The following CNTNAP2 variants were observed in gnomAD, a reference collection of about 807,000 sequenced individuals.
The protein encoded by CNTNAP2 is contactin-associated protein-like 2.
Under a neutral mutation model 155.2 loss-of-function variants are expected in CNTNAP2, and 98 were observed. The ratio of observed to expected loss-of-function variants is 0.63; its 90% CI spans 0.54 to 0.75. The LOEUF (loss-of-function observed/expected upper bound fraction) is 0.75. Among genes scored for constraint, CNTNAP2 ranks in the 30% least tolerant of loss-of-function variants. The pLI is 0.00. For missense variants in CNTNAP2, 1,727 were observed against 1,688.1 expected (o/e 1.02, Z -0.40); for synonymous variants, 651 against 631.2 (o/e 1.03, Z -0.47).
At chr7:147,301,201 C>T (rs2620440) in intron 9 of CNTNAP2, among the ~76,000 whole-genome samples, 46,548 of 151,862 alleles carry the variant, frequency 0.31, 9,029 homozygotes, top group East Asian at 0.7. Context: ...TCTTAAGTAA[C>T]GAAAAGATTA....
At chr7:148,184,020 A>T (rs2116707605) in intron 18 of CNTNAP2, among the ~76,000 whole-genome samples, 1 of 152,282 alleles carries the variant, frequency 6.6e-6, no homozygotes, top group Middle Eastern at 3.4e-3. Flanking sequence ...GTCTCCTTGC[A>T]GTTTTTTCCC....
chr7:146,843,949 T>A (rs1281021615), intron 3 of CNTNAP2, among the ~76,000 whole-genome samples: 1 of 152,120 alleles, frequency 6.6e-6, no homozygotes, highest in Admixed American at 6.5e-5. Context: ...TAATGATTGT[T>A]TACCTGAGAA....
chr7:147,594,302 T>C (rs1037537436), intron 12 of CNTNAP2, among the ~76,000 whole-genome samples: 1 of 152,026 alleles, frequency 6.6e-6, no homozygotes, highest in African/African-American at 2.4e-5. Flanking sequence ...CCCTCTGGTA[T>C]CTTGGGTTTG....
chr7:147,605,330 A>C (rs753728961), intron 12 of CNTNAP2, among the ~76,000 whole-genome samples: 1 of 152,160 alleles, frequency 6.6e-6, no homozygotes, highest in Admixed American at 6.5e-5. Context: ...CTGCAAATGC[A>C]TGGAGTCCCA....
At chr7:147,158,060 A>G (rs1030723667) in intron 8 of CNTNAP2, among the ~76,000 whole-genome samples, 1 of 152,132 alleles carries the variant, frequency 6.6e-6, no homozygotes, top group African/African-American at 2.4e-5. Context: ...ACAATTTAAT[A>G]AGGTGAAGTT....
intron 1 of CNTNAP2, among the ~76,000 whole-genome samples, chr7:146,545,106 A>G (rs35090909): frequency 0.38 from 57,552 of 151,662 alleles, 12,414 homozygotes; most frequent in Non-Finnish European, 0.48. Context: ...GGTAGGAGGG[A>G]GTATGGAAAG....
rs75539855 is a variant in CNTNAP2 at position 147,806,295 on chromosome 7, A to C, written c.2099-97270A>C. On this transcript the variant is annotated intron_variant, in intron 13 of 23. Coordinates refer to ENST00000361727, the MANE Select transcript of CNTNAP2 (RefSeq NM_014141.6). ...CAAATAAAAAACCATAATAAGTATC[A>C]TCTCACCCAAGTTAAAATGGCTTTT... Among the ~76,000 whole-genome samples, 1,685 of 152,304 alleles carry C rather than the reference A, an allele frequency of 0.011. 55 individuals are homozygous for C. The East Asian group carries it at 0.11, about 10-fold the overall frequency.
rs1245226869 is a variant in CNTNAP2, at chr7:146,604,735, T to C, written c.98-169536T>C. 4.9e-3 allele frequency among the ~76,000 whole-genome samples: 673 copies of C among 138,744 alleles called. 6 individuals are homozygous for C. The highest frequency in any genetic ancestry group is 0.016 in the African/African-American group (616 of 38,492). 91.0% of individuals were successfully genotyped at this position (138,744 alleles called of 152,430 possible). ...GTGGCACATATACACCATGGAATAC[T>C]ATGCAGCCATAAAAAATGATGAGTT... On this transcript the variant is annotated intron_variant, in intron 1 of 23. Transcript: ENST00000361727.
rs192764344 is a variant in CNTNAP2 at position 146,578,293 on chromosome 7, A to G, written c.98-195978A>G. 4.8e-3 allele frequency among the ~76,000 whole-genome samples: 723 copies of G among 152,206 alleles called. 5 individuals carry two copies. Among genetic ancestry groups the G allele is most frequent in the African/African-American group, 0.016 (672 of 41,554 alleles). On this transcript the variant is annotated intron_variant, in intron 1 of 23. Transcript: ENST00000361727. ...GTAAATCTGTACTTCTCCAAGTGTT[A>G]ATTAGTGAGTCTGTATTCAATTTTG...
At chr7:146,154,166 A>G (rs1798091543) in intron 1 of CNTNAP2, among the ~76,000 whole-genome samples, 1 of 152,098 alleles carries the variant, frequency 6.6e-6, no homozygotes, top group Non-Finnish European at 1.5e-5. Flanking sequence ...TTTACAATGG[A>G]TGGTTTGGAA....
intron 2 of CNTNAP2, among the ~76,000 whole-genome samples, chr7:146,787,645 TCC>T (rs1802598144): frequency 6.6e-6 from 1 of 152,084 alleles, no homozygotes; most frequent in African/African-American, 2.4e-5. Flanking sequence ...GAACAAACCT[TCC>T]CCCGCGCATG....
intron 3 of CNTNAP2, among the ~76,000 whole-genome samples, chr7:146,886,142 A>G (rs1795654028): frequency 6.6e-6 from 1 of 152,034 alleles, no homozygotes; most frequent in Admixed American, 6.6e-5. Context: ...TGATTTTAAA[A>G]GAGCATCTGA....
At chr7:146,615,002 C>G (rs1469881039) in intron 1 of CNTNAP2, among the ~76,000 whole-genome samples, 1 of 151,950 alleles carries the variant, frequency 6.6e-6, no homozygotes, top group Non-Finnish European at 1.5e-5. Context: ...AGAAAATATA[C>G]TGGGAAATGT....
At chr7:146,763,636 CA>C (rs536981005) in intron 1 of CNTNAP2, among the ~76,000 whole-genome samples, 10 of 152,052 alleles carry the variant, frequency 6.6e-5, no homozygotes, top group Admixed American at 3.9e-4. Context: ...AGAACATTTC[CA>C]AGCTGTAGAA....
intron 1 of CNTNAP2, among the ~76,000 whole-genome samples, chr7:146,536,117 T>C (rs1387331559): frequency 1.3e-5 from 2 of 152,118 alleles, no homozygotes; most frequent in Admixed American, 1.3e-4. Flanking sequence ...TGATTCCTAA[T>C]CCAATTTAAA....
At chr7:147,523,160 A>G (rs1476804046) in intron 11 of CNTNAP2, among the ~76,000 whole-genome samples, 2 of 152,292 alleles carry the variant, frequency 1.3e-5, no homozygotes, top group Non-Finnish European at 1.5e-5. Flanking sequence ...GTAAAGATCC[A>G]CTTCCAAAAT....
At chr7:147,913,220 A>C (rs1041432945) in intron 14 of CNTNAP2, among the ~76,000 whole-genome samples, 1 of 152,240 alleles carries the variant, frequency 6.6e-6, no homozygotes, top group Admixed American at 6.5e-5. Flanking sequence ...AGGAAGGAGC[A>C]TCTCTCATAC....
chr7:147,886,475 CAAAAAAAAAAAAAAAA>C (rs532837902), intron 13 of CNTNAP2, among the ~76,000 whole-genome samples: 25 of 39,738 alleles, frequency 6.3e-4, no homozygotes, highest in African/African-American at 1.3e-3. Context: ...AACTCCATCT[CAAAAAAAAAAAAAAAA>C]AAAAAAAAAA....
rs181108611 is a variant in CNTNAP2 at position 147,701,987 on chromosome 7, C to G, written c.2098+62681C>G. 2.0e-5 allele frequency among the ~76,000 whole-genome samples: 3 copies of G among 150,224 alleles called. No individual in the cohort carries two copies. The East Asian group carries it at 5.9e-4, about 29-fold the overall frequency. On this transcript the variant is annotated intron_variant, in intron 13 of 23. Coordinates refer to ENST00000361727, the MANE Select transcript of CNTNAP2 (RefSeq NM_014141.6). ...CTTGTTATTGAACCTGTTTCCTTAA[C>G]TGAGGGAAAAAGGATTTGAAGTAGA... is the stretch of plus-strand genomic sequence containing the variant.
Sources: gnomAD v4.1 joint callset for allele counts (sites outside exome capture counted in the v4.1 genomes callset) on GRCh38, gnomAD v4.1.1 for gene constraint, MANE v1.5 for transcripts, NCBI Gene and HGNC (gene_info 2026-07-23, HGNC 2026-07-21) for gene names.